WDR75: variants seen among roughly 807,000 people sequenced by gnomAD.
WDR75 encodes WD repeat domain 75, also known as WD repeat-containing protein 75.
In WDR75, 52 loss-of-function variants were observed where a neutral mutation model predicts 106.1. The observed-to-expected ratio is 0.49, with a 90% CI of 0.39 to 0.62. WDR75 has a LOEUF of 0.62. Ranked by LOEUF, WDR75 falls within the 20% of genes least tolerant of loss-of-function variation. WDR75 has a pLI of 0.00. For synonymous variants in WDR75, 333 were observed against 335.5 expected, an observed-to-expected ratio of 0.99 and a Z score of 0.08; for missense variants, 905 against 970.3, an observed-to-expected ratio of 0.93 and a Z score of 0.89.
intron 6 of WDR75, among the ~76,000 whole-genome samples, chr2:189,457,630 A>T (rs1686767455): frequency 1.3e-5 from 2 of 152,234 alleles, no homozygotes; most frequent in Non-Finnish European, 2.9e-5. Flanking sequence ...GCATTCTTGG[A>T]GTCAAAGTTG....
intron 18 of WDR75, among the ~76,000 whole-genome samples, chr2:189,473,441 G>T (rs771056999): frequency 2.0e-5 from 3 of 152,028 alleles, no homozygotes; most frequent in Non-Finnish European, 4.4e-5. Flanking sequence ...TACTTAGGCT[G>T]GTCAAATTAA....
chr2:189,474,367 A>G (rs942072354), intron 19 of WDR75, 35 bp downstream of exon 19: 3 of 1,584,042 alleles, frequency 1.9e-6, no homozygotes, highest in Non-Finnish European at 2.6e-6. Flanking sequence ...AAACAGATTA[A>G]ATGCACTTAA....
At chr2:189,448,533 A>G (rs754097061) in intron 2 of WDR75, 25 bp downstream of exon 2, 2 of 1,602,952 alleles carry the variant, frequency 1.2e-6, no homozygotes, top group Non-Finnish European at 1.7e-6. Flanking sequence ...ATAGCTGAAT[A>G]CTTTAAGACT....
chr2:189,450,835 A>G, intron 2 of WDR75, 68 bp from the exon 3 acceptor site: 1 of 1,591,412 alleles, frequency 6.3e-7, no homozygotes, highest in Non-Finnish European at 8.5e-7. Context: ...TCAACATTTA[A>G]TTATTCATTT....
chr2:189,454,515 T>C (rs940525640), intron 4 of WDR75, among the ~76,000 whole-genome samples: 45 of 149,692 alleles, frequency 3.0e-4, no homozygotes, highest in African/African-American at 1.0e-3. Context: ...ACAAGTTGAT[T>C]TGTATTTCTT....
chr2:189,459,501 T>C lies in WDR75; in HGVS notation c.778+77T>C. Reference sequence around the variant, plus strand: ...GTTTTAATTCACTGTATTTTTAGTTTGGAAGATTTAAAACTGCATGAGCCA... The same window carrying C: ...GTTTTAATTCACTGTATTTTTAGTTCGGAAGATTTAAAACTGCATGAGCCA... On this transcript the variant is annotated intron_variant, in intron 8 of 20. Transcript: ENST00000314761. 2.1e-6 allele frequency: 3 copies of C among 1,397,644 alleles called. No homozygotes were observed. The East Asian group carries it at 6.9e-5, about 32-fold the overall frequency. 86.6% of individuals were successfully genotyped at this position (1,397,644 alleles called of 1,614,324 possible).
intron 15 of WDR75, 128 bp from the exon 16 acceptor site, chr2:189,469,216 C>A (rs1222107187): frequency 2.7e-6 from 2 of 730,628 alleles, no homozygotes; most frequent in Non-Finnish European, 2.4e-6. Flanking sequence ...TTCTACAAAT[C>A]ATTTCAGTGT....
intron 9 of WDR75, 28 bp downstream of exon 9, chr2:189,462,670 A>T: frequency 1.9e-6 from 3 of 1,603,372 alleles, no homozygotes; most frequent in Non-Finnish European, 2.6e-6. Context: ...ATTATGAGGA[A>T]ATATATAAAC....
At chr2:189,463,560 T>TAAC (rs1686942774) in intron 9 of WDR75, 134 bp from the exon 10 acceptor site, 2 of 660,450 alleles carry the variant, frequency 3.0e-6, no homozygotes, top group East Asian at 5.9e-5. Context: ...GAGCTAAAAA[T>TAAC]AATAATAATA....
At position 189,475,511 on chromosome 2, in the gene WDR75, AATAAG is replaced by A; in HGVS notation, c.*99_*103del. 1.3e-6 allele frequency: 1 copy of A among 777,948 alleles called. No homozygotes were observed. The highest frequency in any genetic ancestry group is 1.9e-6 in the Non-Finnish European group (1 of 515,942). 48.2% of individuals were successfully genotyped at this position (777,948 alleles called of 1,614,324 possible). A position where few individuals can be genotyped will look rare whatever the true frequency, so the allele number is the denominator to read the frequency against. ...ATTTTAATGTTATTTCTGTTCTAAA[AATAAG>A]ATAATAAATATTAACAAACTTTGCT... is the stretch of plus-strand genomic sequence containing the variant. On this transcript the variant is annotated 3_prime_UTR_variant, in exon 21 of 21. Coordinates refer to ENST00000314761, the MANE Select transcript of WDR75 (RefSeq NM_032168.3).
At chr2:189,463,530 T>G (rs1384215225) in intron 9 of WDR75, among the ~76,000 whole-genome samples, 164 bp from the exon 10 acceptor site, 1 of 152,022 alleles carries the variant, frequency 6.6e-6, no homozygotes, top group Admixed American at 6.6e-5. Flanking sequence ...TAAAATATAC[T>G]AACACTAATG....
chr2:189,462,550 A>G lies in WDR75; in HGVS notation c.845A>G (p.Asn282Ser), dbSNP rs769240605. 5.6e-6 allele frequency: 9 copies of G among 1,614,026 alleles called. No individual in the cohort carries two copies. In the South Asian group the frequency reaches 8.8e-5, roughly 16 times the overall value. ...LVEWRDATEK[N>S]KEFLPRLGAT... is the part of the protein sequence containing the mutation. ...GAGTGGCGCGATGCAACAGAGAAGA[A>G]TAAGGAGTTTCTCCCGCGTTTAGGA... The change falls in exon 9 of 21, where the codon AAT becomes AGT. Residue 282 changes from asparagine (N) to serine (S), a missense_variant. Coordinates refer to ENST00000314761, the MANE Select transcript of WDR75 (RefSeq NM_032168.3).
intron 4 of WDR75, among the ~76,000 whole-genome samples, chr2:189,454,871 G>T (rs372151616): frequency 2.0e-5 from 3 of 152,258 alleles, no homozygotes; most frequent in South Asian, 4.1e-4. Flanking sequence ...CAAACAAAGA[G>T]TCCACCTTTA....
At chr2:189,458,265 G>C (rs904712168) in intron 6 of WDR75, among the ~76,000 whole-genome samples, 47 of 152,130 alleles carry the variant, frequency 3.1e-4, no homozygotes, top group Admixed American at 2.0e-3. Context: ...GACTTCTTCA[G>C]AGCCTGAAGA....
chr2:189,452,134 A>C (rs1390845592), intron 4 of WDR75: 1 of 383,348 alleles, frequency 2.6e-6, no homozygotes, highest in Non-Finnish European at 4.7e-6. Flanking sequence ...TCAAATTTTA[A>C]ATCTGCTTTA....
intron 19 of WDR75, 138 bp downstream of exon 19, chr2:189,474,470 G>A (rs1393223273): frequency 9.2e-7 from 1 of 1,088,994 alleles, no homozygotes; most frequent in African/African-American, 1.6e-5. Context: ...AACAAACCGA[G>A]TAACTTAACC....
chr2:189,448,249 C>A, intron 1 of WDR75, 130 bp from the exon 2 acceptor site: 2 of 1,005,802 alleles, frequency 2.0e-6, no homozygotes, highest in Admixed American at 3.3e-5. Context: ...TTTGGGAGGC[C>A]CAGGCAGGCG....
chr2:189,451,093 C>A, intron 3 of WDR75, 125 bp downstream of exon 3: 1 of 1,219,890 alleles, frequency 8.2e-7, no homozygotes, highest in Non-Finnish European at 1.1e-6. Context: ...TACAAAATAA[C>A]ATCAAAAAAA....
At chr2:189,469,570 C>A (rs910060852) in intron 16 of WDR75, 131 bp downstream of exon 16, 15 of 677,840 alleles carry the variant, frequency 2.2e-5, no homozygotes, top group Non-Finnish European at 3.3e-5. Context: ...CACGGCCCTT[C>A]TTTGCCCCAA....
Sources: allele counts gnomAD v4.1 joint callset (sites outside exome capture counted in the v4.1 genomes callset), GRCh38; gene constraint gnomAD v4.1.1; transcripts MANE v1.5; gene names NCBI Gene and HGNC (gene_info 2026-07-23, HGNC 2026-07-21).